Variants in MYO3A observed in about 807,000 individuals in gnomAD.
MYO3A encodes myosin-IIIa.
A neutral mutation model predicts 192.7 loss-of-function variants in MYO3A; 180 were observed. That is an observed-to-expected ratio of 0.93 (90% CI 0.83 to 1.06). The LOEUF (loss-of-function observed/expected upper bound fraction) is 1.06, where lower values mean the gene tolerates loss of function less well. MYO3A is among the 50% of genes least tolerant of loss of function. The pLI is 0.00. For missense variants in MYO3A, 1,896 were observed against 1,905.0 expected, an observed-to-expected ratio of 1.00 and a Z score of 0.09; for synonymous variants, 628 against 645.3, an observed-to-expected ratio of 0.97 and a Z score of 0.41.
chr10:26,171,477 A>T (rs1192488594), intron 29 of MYO3A, among the ~76,000 whole-genome samples: 1 of 152,038 alleles, frequency 6.6e-6, no homozygotes, highest in African/African-American at 2.4e-5. Context: ...CTTCTCTGCC[A>T]CCTCTTCCCC....
intron 4 of MYO3A, among the ~76,000 whole-genome samples, chr10:25,964,551 A>G (rs1838144027): frequency 6.6e-6 from 1 of 152,136 alleles, no homozygotes. Context: ...TTATTGTACT[A>G]TGTCTTGAAA....
intron 10 of MYO3A, among the ~76,000 whole-genome samples, chr10:26,061,974 A>G (rs1326943494): frequency 6.6e-6 from 1 of 152,218 alleles, no homozygotes; most frequent in African/African-American, 2.4e-5. Context: ...ATAGGGGAGT[A>G]AATGAGATGA....
In MYO3A at chr10:26,065,847, G is replaced by GA. The variant is rs1286308065; in HGVS notation, c.954-1128_954-1127insA. On this transcript the variant is annotated intron_variant, in intron 10 of 34. Coordinates refer to ENST00000642920, the MANE Select transcript of MYO3A (RefSeq NM_017433.5). ...CAAAAAGAGCAGTGGGCCGGGCGCG[G>GA]TGGCTCACGCCTGTAATCCCAGCAC... 8.9e-5 allele frequency among the ~76,000 whole-genome samples: 10 copies of GA among 112,534 alleles called. 3 individuals carry two copies. The highest frequency in any genetic ancestry group is 2.6e-4 in the African/African-American group (9 of 34,962). 73.8% of individuals were successfully genotyped at this position (112,534 alleles called of 152,430 possible).
intron 4 of MYO3A, among the ~76,000 whole-genome samples, chr10:25,995,137 T>C (rs1840340229): frequency 6.6e-6 from 1 of 152,262 alleles, no homozygotes; most frequent in Admixed American, 6.5e-5. Flanking sequence ...CCTGCCACTT[T>C]CAGGTACACC....
intron 15 of MYO3A, among the ~76,000 whole-genome samples, chr10:26,096,035 C>T (rs1188031626): frequency 6.6e-6 from 1 of 152,110 alleles, no homozygotes; most frequent in Non-Finnish European, 1.5e-5. Context: ...TGGCTGTATA[C>T]ATTATTCTTT....
rs1209926016 is a variant in MYO3A at position 26,198,028 on chromosome 10, T to TAGAC, written c.4546-3236_4546-3233dup. Among the ~76,000 whole-genome samples the TAGAC allele has an allele frequency of 1.2e-4, 18 of 152,384 alleles. No individual in the cohort carries two copies. In the Middle Eastern group the frequency reaches 0.01, roughly 86 times the overall value. ...TCGTAACTAGAAGACTGTTAAATAA[T>TAGAC]AGACCACTGTAGTACAGTACTCTCA... On this transcript the variant is annotated intron_variant, in intron 32 of 34. Transcript: ENST00000642920.
At chr10:26,037,800 A>C (rs1035994390) in intron 10 of MYO3A, among the ~76,000 whole-genome samples, 6 of 149,188 alleles carry the variant, frequency 4.0e-5, no homozygotes, top group African/African-American at 1.5e-4. Flanking sequence ...ACATCTTCAC[A>C]TGGCGTCAGG....
intron 27 of MYO3A, among the ~76,000 whole-genome samples, chr10:26,167,795 G>A (rs111716091): frequency 5.1e-4 from 78 of 152,244 alleles, no homozygotes; most frequent in African/African-American, 1.9e-3. Flanking sequence ...TTTACCCATG[G>A]TGCCAAGCTT....
intron 26 of MYO3A, among the ~76,000 whole-genome samples, chr10:26,159,175 A>G (rs1272077544): frequency 6.6e-6 from 1 of 150,798 alleles, no homozygotes; most frequent in Non-Finnish European, 1.5e-5. Flanking sequence ...TACTTTTAGT[A>G]GAGACGGGGT....
intron 14 of MYO3A, among the ~76,000 whole-genome samples, chr10:26,071,075 G>A (rs1430475217): frequency 7.3e-5 from 11 of 151,718 alleles, no homozygotes; most frequent in South Asian, 4.2e-4. Context: ...ATATTGAAGG[G>A]CAAAGGAGCT....
intron 17 of MYO3A, among the ~76,000 whole-genome samples, chr10:26,115,217 G>A (rs893313008): frequency 4.6e-5 from 7 of 152,196 alleles, no homozygotes; most frequent in Admixed American, 2.0e-4. Context: ...TCTGACAGCC[G>A]TGTGGAAGAC....
At position 26,179,089 on chromosome 10, in the gene MYO3A, A is replaced by ATTT. The variant is rs59025321; in HGVS notation, c.4438+2268_4438+2270dup. Reference sequence around the variant, plus strand: ...CTGGGATTACACCGTGCCCAGCCTAATTTTTTTTTTTTTTTTTTTTTTTTT... The same window carrying ATTT: ...CTGGGATTACACCGTGCCCAGCCTAATTTTTTTTTTTTTTTTTTTTTTTTTTTT... On this transcript the variant is annotated intron_variant, in intron 31 of 34. Transcript: ENST00000642920. Among the ~76,000 whole-genome samples the ATTT allele has an allele frequency of 2.9e-3, 193 of 66,122 alleles. 42 individuals are homozygous for ATTT. Among genetic ancestry groups the ATTT allele is most frequent in the African/African-American group, 0.011 (160 of 14,436 alleles). 43.4% of individuals were successfully genotyped at this position (66,122 alleles called of 152,430 possible). A position where few individuals can be genotyped will look rare whatever the true frequency, so the allele number is the denominator to read the frequency against.
chr10:26,127,090 G>T (rs773173215), intron 19 of MYO3A, among the ~76,000 whole-genome samples: 1 of 152,056 alleles, frequency 6.6e-6, no homozygotes, highest in Admixed American at 6.6e-5. Flanking sequence ...ACAAGTCAGT[G>T]GTCTTAGTTG....
chr10:26,027,825 C>T (rs911414175), intron 10 of MYO3A, among the ~76,000 whole-genome samples: 9 of 152,126 alleles, frequency 5.9e-5, no homozygotes, highest in Non-Finnish European at 1.2e-4. Context: ...TAATCCCATA[C>T]ATTTTGGTAG....
chr10:26,095,200 G>A (rs1465692165), intron 15 of MYO3A, among the ~76,000 whole-genome samples: 1 of 152,160 alleles, frequency 6.6e-6, no homozygotes, highest in South Asian at 2.1e-4. Flanking sequence ...AAGCTTTGTG[G>A]TGGGATGACA....
At chr10:25,960,106 A>G (rs116415356) in intron 4 of MYO3A, among the ~76,000 whole-genome samples, 2,289 of 152,052 alleles carry the variant, frequency 0.015, 71 homozygotes, top group African/African-American at 0.052. Context: ...TGCAAAATTT[A>G]TTGAATTTTT....
chr10:26,049,279 G>A (rs11812332), intron 10 of MYO3A, among the ~76,000 whole-genome samples: 24,754 of 152,116 alleles, frequency 0.16, 2,311 homozygotes, highest in Non-Finnish European at 0.21. Context: ...AACATCCAAA[G>A]AGCCTCAGTT....
At chr10:26,012,605 G>A (rs1393558612) in intron 6 of MYO3A, among the ~76,000 whole-genome samples, 1 of 152,008 alleles carries the variant, frequency 6.6e-6, no homozygotes, top group Non-Finnish European at 1.5e-5. Flanking sequence ...ACAAACAAAT[G>A]GAAATGTATC....
intron 23 of MYO3A, among the ~76,000 whole-genome samples, chr10:26,152,762 A>G (rs762635282): frequency 2.5e-4 from 38 of 152,318 alleles, no homozygotes; most frequent in Admixed American, 1.8e-3. Flanking sequence ...TAAGTTTCAC[A>G]TTTTGAAAAG....
Sources: gnomAD v4.1 joint callset for allele counts (sites outside exome capture counted in the v4.1 genomes callset) on GRCh38, gnomAD v4.1.1 for gene constraint, MANE v1.5 for transcripts, NCBI Gene and HGNC (gene_info 2026-07-23, HGNC 2026-07-21) for gene names.